NOS3: variants seen among roughly 807,000 people sequenced by gnomAD.
The protein encoded by NOS3 is NOS type III.
Under a neutral mutation model 144.9 loss-of-function variants are expected in NOS3, and 98 were observed. The ratio of observed to expected loss-of-function variants is 0.68; its 90% confidence interval spans 0.57 to 0.80. NOS3 has a LOEUF of 0.80. NOS3 is among the 30% of genes least tolerant of loss of function. The probability of loss-of-function intolerance (pLI) is 0.00; values close to 1 mark genes in which losing one functional copy is unlikely to be tolerated. For synonymous variants in NOS3, 714 were observed against 702.4 expected, an observed-to-expected ratio of 1.02 and a Z score of -0.26; for missense variants, 1,465 against 1,656.4, an observed-to-expected ratio of 0.88 and a Z score of 2.01.
rs1330142791 is a variant in NOS3 at position 151,012,977 on chromosome 7, C to T, written c.3107-254C>T. On this transcript the variant is annotated intron_variant, in intron 24 of 26. Transcript: ENST00000297494. ...ATGCAAAGGGCATGGAATTCTGAGT[C>T]CGAAGCCGCGCATTCTAGCGCAGCT... 5.8e-6 allele frequency: 3 copies of T among 520,700 alleles called. No individual in the cohort carries two copies. In the African/African-American group the frequency reaches 5.9e-5, roughly 10 times the overall value. 32.3% of individuals were successfully genotyped at this position (520,700 alleles called of 1,614,324 possible).
chr7:151,014,332 CCT>C lies in NOS3; in HGVS notation c.*166_*167del, dbSNP rs1248306780. 1 of 761,982 alleles carries C rather than the reference CCT, an allele frequency of 1.3e-6. No homozygotes were observed. The allele number at this position is 761,982 out of a possible 1,614,324, so 47.2% of individuals were successfully genotyped here. A position where few individuals can be genotyped will look rare whatever the true frequency, so the allele number is the denominator to read the frequency against. On this transcript the variant is annotated 3_prime_UTR_variant, in exon 27 of 27. Coordinates refer to ENST00000297494, the MANE Select transcript of NOS3 (RefSeq NM_000603.5). The stretch of plus-strand genomic sequence containing the variant: ...TATTCCTCCAGGAAGGAGCAAAACG[CCT>C]CTTTTCCCTCTCTAGGCCTGTTGCC...
Position 151,009,525 on chromosome 7 carries a change from G to GA in NOS3, c.2453dup (p.Asp819GlyfsTer7). On this transcript the variant is annotated frameshift_variant, in exon 20 of 27. Coordinates refer to ENST00000297494, the MANE Select transcript of NOS3 (RefSeq NM_000603.5). LOFTEE classifies it high-confidence loss of function. ...TGTGGAGGCGCTGCTGAGCCGCGTG[G>GA]AGGACCCGCCGGCGCCCACTGAGCC... 1 of 1,546,066 alleles carries GA rather than the reference G, an allele frequency of 6.5e-7. No individual in the cohort carries two copies. The highest frequency in any genetic ancestry group is 8.7e-7 in the Non-Finnish European group (1 of 1,146,110).
chr7:151,008,645 C>T (rs544941342), intron 17 of NOS3, among the ~76,000 whole-genome samples: 1 of 152,328 alleles, frequency 6.6e-6, no homozygotes, highest in East Asian at 1.9e-4. Flanking sequence ...CTTCACAGAG[C>T]TACCGTGTGC....
chr7:151,011,012 G>A, intron 23 of NOS3, 26 bp downstream of exon 23: 3 of 1,565,394 alleles, frequency 1.9e-6, no homozygotes, highest in Non-Finnish European at 2.6e-6. Context: ...GACTTGGTGG[G>A]GAGCTGCCCA....
At chr7:151,006,515 G>A (rs776805707) in intron 15 of NOS3, 21 bp downstream of exon 15, 2 of 1,577,744 alleles carry the variant, frequency 1.3e-6, no homozygotes, top group South Asian at 2.2e-5. Flanking sequence ...TGAGAGTTTG[G>A]GGGAGCTGGG....
chr7:151,013,162 G>A, intron 24 of NOS3, 69 bp from the exon 25 acceptor site: 1 of 1,525,274 alleles, frequency 6.6e-7, no homozygotes, highest in Non-Finnish European at 8.9e-7. Flanking sequence ...GGCGACGGTG[G>A]CCTGTGGGGA....
chr7:151,001,549 C>T lies in NOS3; in HGVS notation c.1434C>T (p.Asp478=). 6.2e-7 allele frequency: 1 copy of T among 1,614,004 alleles called. No individual in the cohort carries two copies. The highest frequency in any genetic ancestry group is 8.5e-7 in the Non-Finnish European group (1 of 1,179,960). ...FLSPAFRYQP[D]PWKGSAAKGT... ...ACCCCATCATCTCTCTGCAGCCAGA[C>T]CCCTGGAAGGGGAGTGCCGCCAAGG... The change falls in exon 12 of 27, where the codon GAC becomes GAT. Residue 478 remains aspartate (D), a synonymous_variant. Transcript: ENST00000297494.
intron 24 of NOS3, 58 bp downstream of exon 24, chr7:151,012,530 G>A: frequency 1.9e-6 from 3 of 1,567,180 alleles, no homozygotes; most frequent in Non-Finnish European, 8.7e-7. Context: ...GGGACAGAGG[G>A]GTGGGGCTGG....
Position 151,012,343 on chromosome 7 carries a change from C to T in NOS3, c.2985-8C>T, listed in dbSNP as rs1317770860. 4 of 1,549,852 alleles carry T rather than the reference C, an allele frequency of 2.6e-6. No homozygotes were observed. Among genetic ancestry groups the T allele is most frequent in the East Asian group, 4.8e-5 (2 of 41,608 alleles). On this transcript the variant is annotated splice_polypyrimidine_tract_variant and splice_region_variant and intron_variant, in intron 23 of 26. Coordinates refer to ENST00000297494, the MANE Select transcript of NOS3 (RefSeq NM_000603.5). The stretch of plus-strand genomic sequence containing the variant: ...AAAGGGGACCTGATGGAGTGTCTCT[C>T]CTGCCAGGGCTCCCTCCTTCCGGCT...
In NOS3 at chr7:151,013,715, G is replaced by A. The variant is rs1255879757; in HGVS notation, c.3256-9G>A. On this transcript the variant is annotated splice_polypyrimidine_tract_variant and intron_variant, in intron 25 of 26. Coordinates refer to ENST00000297494, the MANE Select transcript of NOS3 (RefSeq NM_000603.5). ...CACCAGGGCCCGCCCTAACCCCGCC[G>A]CCCCGCAGACCTACGTGCAGGACAT... 2.4e-5 allele frequency: 34 copies of A among 1,404,092 alleles called. No homozygotes were observed. The highest frequency in any genetic ancestry group is 3.2e-5 in the Non-Finnish European group (32 of 1,011,242). The allele number at this position is 1,404,092 out of a possible 1,614,324, so 87.0% of individuals were successfully genotyped here.
rs768907280 is a variant in NOS3, at chr7:151,010,107, A to G, written c.2513-8A>G. 1.9e-6 allele frequency: 3 copies of G among 1,572,340 alleles called. No individual in the cohort carries two copies. The highest frequency in any genetic ancestry group is 2.6e-6 in the Non-Finnish European group (3 of 1,146,310). On this transcript the variant is annotated splice_polypyrimidine_tract_variant and splice_region_variant and intron_variant, in intron 20 of 26. Coordinates refer to ENST00000297494, the MANE Select transcript of NOS3 (RefSeq NM_000603.5). ...CTGTCCTCAGAGCTCCCTGTGCACTATCCCCAGGTGGCCCTCCCCCCGGCT... is the reference window on the plus strand; with the variant it reads ...CTGTCCTCAGAGCTCCCTGTGCACTGTCCCCAGGTGGCCCTCCCCCCGGCT...
chr7:151,001,401 C>T lies in NOS3; in HGVS notation c.1404C>T (p.Phe468=), dbSNP rs1354213190. The T allele has an allele frequency of 5.0e-6, 8 of 1,598,652 alleles. No individual in the cohort carries two copies. The highest frequency in any genetic ancestry group is 6.8e-6 in the Non-Finnish European group (8 of 1,171,488). Residue 468 remains phenylalanine (F), a synonymous_variant, in exon 11 of 27, where the codon TTC becomes TTT. Coordinates refer to ENST00000297494, the MANE Select transcript of NOS3 (RefSeq NM_000603.5). ...PVFHQEMVNY[F]LSPAFRYQPD... ...TCCATCAGGAGATGGTCAACTATTT[C>T]CTGTCCCCGGCCTTCCGCTACCAGG...
Position 151,006,986 on chromosome 7 carries a change from G to A in NOS3, c.1918G>A (p.Gly640Arg), listed in dbSNP as rs1206917965. 1 of 1,614,008 alleles carries A rather than the reference G, an allele frequency of 6.2e-7. No individual in the cohort carries two copies. The highest frequency in any genetic ancestry group is 8.5e-7 in the Non-Finnish European group (1 of 1,179,994). Residue 640 changes from glycine to arginine, a missense_variant, in exon 16 of 27, where the codon GGG becomes AGG. Around this residue, in one of 5 missense-constraint regions of NOS3, gnomAD observed 745 missense variants for 853.9 expected, o/e 0.87. Transcript: ENST00000297494. The part of the protein sequence containing the change: ...RKESSNTDSA[G>R]ALGTLRFCVF... Reference sequence around the variant, plus strand: ...GGAGTCCAGTAACACAGACAGTGCAGGGGCCCTGGGCACCCTCAGGTCAGG... The same window carrying A: ...GGAGTCCAGTAACACAGACAGTGCAAGGGCCCTGGGCACCCTCAGGTCAGG...
rs749451521 is a variant in NOS3 at position 151,001,342 on chromosome 7, G to T, written c.1345G>T (p.Val449Leu). The change falls in exon 11 of 27, where the codon GTG becomes TTG. Residue 449 changes from valine to leucine, a missense_variant. Around this residue, in one of 5 missense-constraint regions of NOS3, gnomAD observed 745 missense variants for 853.9 expected, o/e 0.87. Coordinates refer to ENST00000297494, the MANE Select transcript of NOS3 (RefSeq NM_000603.5). ...CTGCCCTGCAGACTGGGCCTGGATC[G>T]TGCCCCCCATCTCGGGCAGCCTCAC... ...GGCPADWAWI[V>L]PPISGSLTPV... The T allele has an allele frequency of 1.2e-6, 2 of 1,613,250 alleles. No individual in the cohort carries two copies. The highest frequency in any genetic ancestry group is 2.2e-5 in the East Asian group (1 of 44,890).
In NOS3 at chr7:151,002,544, T is replaced by C. The variant is rs755093638; in HGVS notation, c.1752+240T>C. On this transcript the variant is annotated intron_variant, in intron 14 of 26. Transcript: ENST00000297494. This position sits in a 1 kb window ranked among gnomAD's most constrained non-coding sequence, Gnocchi z 4.1. Reference sequence around the variant, plus strand: ...CAGCCCACCCATGTGGCTGCCTCCCTGCAAGCACATTTGCTTAACTGCGCG... The same window carrying C: ...CAGCCCACCCATGTGGCTGCCTCCCCGCAAGCACATTTGCTTAACTGCGCG... Among the ~76,000 whole-genome samples, 18 of 151,960 alleles carry C rather than the reference T, an allele frequency of 1.2e-4. No individual in the cohort carries two copies. Among genetic ancestry groups the C allele is most frequent in the Non-Finnish European group, 2.5e-4 (17 of 67,984 alleles).
In NOS3 at chr7:150,993,712, T is replaced by C; in HGVS notation, c.-51-41T>C. The C allele has an allele frequency of 1.5e-6, 2 of 1,335,694 alleles. No homozygotes were observed. The highest frequency in any genetic ancestry group is 1.0e-6 in the Non-Finnish European group (1 of 980,456). 82.7% of individuals were successfully genotyped at this position (1,335,694 alleles called of 1,614,324 possible). ...CGAGGGCCAGCACTGGAGAGCCCCC[T>C]CCCACTGCCCCCTCCTCTCGGTCCC... On this transcript the variant is annotated intron_variant, in intron 1 of 26. Coordinates refer to ENST00000297494, the MANE Select transcript of NOS3 (RefSeq NM_000603.5). The surrounding 1 kb of genome is among the most constrained non-coding windows in gnomAD (Gnocchi z 4.0).
Position 151,010,961 on chromosome 7 carries a change from G to C in NOS3, c.2959G>C (p.Asp987His), listed in dbSNP as rs756826613. The C allele has an allele frequency of 1.9e-6, 3 of 1,613,842 alleles. No individual in the cohort carries two copies. Among genetic ancestry groups the C allele is most frequent in the Non-Finnish European group, 2.5e-6 (3 of 1,179,856 alleles). Reference sequence around the variant, plus strand: ...GTGGCTAAGCCAGCTCAAGCCCGGAGACCCTGTGCCCTGCTTCATCCGGGG... The same window carrying C: ...GTGGCTAAGCCAGCTCAAGCCCGGACACCCTGTGCCCTGCTTCATCCGGGG... ...STWLSQLKPGDPVPCFIRGAP... is the reference protein window; with the variant it reads ...STWLSQLKPGHPVPCFIRGAP... The change falls in exon 23 of 27, where the codon GAC (aspartate) becomes CAC (histidine). Residue 987 changes from aspartate to histidine, a missense_variant. By Grantham distance (81) the Asp-to-His change is moderately conservative. Coordinates refer to ENST00000297494, the MANE Select transcript of NOS3 (RefSeq NM_000603.5).
chr7:151,010,562 T>G (rs1192363683), intron 21 of NOS3, 35 bp from the exon 22 acceptor site: 1 of 1,519,780 alleles, frequency 6.6e-7, no homozygotes, highest in African/African-American at 1.4e-5. Context: ...GGAAGGGCTA[T>G]GGGGCCTCCA....
In NOS3 at chr7:151,003,868, G is replaced by C. The variant is rs1354260740; in HGVS notation, c.1752+1564G>C. On this transcript the variant is annotated intron_variant, in intron 14 of 26. Coordinates refer to ENST00000297494, the MANE Select transcript of NOS3 (RefSeq NM_000603.5). The surrounding 1 kb of genome is among the most constrained non-coding windows in gnomAD (Gnocchi z 4.1). ...CCCCAGTTTGTTTACCCATTCTCTT[G>C]TTGGTGACACTTGGGCTGTTTCCAG... 2.6e-6 allele frequency: 1 copy of C among 390,082 alleles called. No homozygotes were observed. The highest frequency in any genetic ancestry group is 5.2e-6 in the Non-Finnish European group (1 of 191,338). 24.2% of individuals were successfully genotyped at this position (390,082 alleles called of 1,614,324 possible). A position where few individuals can be genotyped will look rare whatever the true frequency, so the allele number is the denominator to read the frequency against.
Sources: gnomAD v4.1 joint callset for allele counts (sites outside exome capture counted in the v4.1 genomes callset) on GRCh38, gnomAD v4.1.1 for gene constraint, gnomAD v4.1.1 regional missense constraint, Gnocchi (gnomAD v3.1) non-coding constraint, MANE v1.5 for transcripts, NCBI Gene and HGNC (gene_info 2026-07-23, HGNC 2026-07-21) for gene names.